Variants in TRAPPC11 observed in about 807,000 individuals in gnomAD.
TRAPPC11 encodes trafficking protein particle complex subunit 11, also known as foie gras homolog.
Under a neutral mutation model 151.2 loss-of-function variants are expected in TRAPPC11, and 104 were observed. The ratio of observed to expected loss-of-function variants is 0.69; its 90% confidence interval spans 0.59 to 0.81. The LOEUF is 0.81. Among genes scored for constraint, TRAPPC11 ranks in the 30% least tolerant of loss-of-function variants. The pLI is 0.00. For synonymous variants in TRAPPC11, 456 were observed against 472.3 expected, an observed-to-expected ratio of 0.97 and a Z score of 0.45; for missense variants, 1,230 against 1,349.6, an observed-to-expected ratio of 0.91 and a Z score of 1.39.
intron 1 of TRAPPC11, among the ~76,000 whole-genome samples, chr4:183,661,505 G>A (rs1023332578): frequency 3.3e-5 from 5 of 150,762 alleles, no homozygotes; most frequent in Non-Finnish European, 7.4e-5. Flanking sequence ...CCGAGTAGCT[G>A]GGACTACAGG....
Position 183,664,079 on chromosome 4 carries a change from C to A in TRAPPC11, c.204+8C>A. On this transcript the variant is annotated splice_region_variant and intron_variant, in intron 2 of 29. Coordinates refer to ENST00000334690, the MANE Select transcript of TRAPPC11 (RefSeq NM_021942.6). ...CCCAAATGTAGACCCAAGGTAATGGCATTGTGATGGCATGTGTTCTTTCCT... is the reference window on the plus strand; with the variant it reads ...CCCAAATGTAGACCCAAGGTAATGGAATTGTGATGGCATGTGTTCTTTCCT... 1 of 1,606,592 alleles carries A rather than the reference C, an allele frequency of 6.2e-7. No individual in the cohort carries two copies. The highest frequency in any genetic ancestry group is 8.5e-7 in the Non-Finnish European group (1 of 1,175,396).
At chr4:183,675,359 G>C in intron 7 of TRAPPC11, 122 bp downstream of exon 7, 1 of 495,778 alleles carries the variant, frequency 2.0e-6, no homozygotes, top group Non-Finnish European at 3.4e-6. Flanking sequence ...CTTAGATTTA[G>C]GAATTAGTGT....
At chr4:183,667,947 G>A in intron 4 of TRAPPC11, 56 bp from the exon 5 acceptor site, 1 of 1,123,384 alleles carries the variant, frequency 8.9e-7, no homozygotes, top group African/African-American at 1.5e-5. Context: ...ATATTTATTT[G>A]GGAAGCTACA....
intron 5 of TRAPPC11, among the ~76,000 whole-genome samples, chr4:183,669,848 G>C (rs1000364301): frequency 1.3e-5 from 2 of 152,180 alleles, no homozygotes; most frequent in Non-Finnish European, 2.9e-5. Flanking sequence ...AGGCGGTCAT[G>C]GATTCAAGAG....
intron 29 of TRAPPC11, among the ~76,000 whole-genome samples, chr4:183,710,271 A>C (rs937901218): frequency 2.7e-5 from 4 of 148,942 alleles, no homozygotes; most frequent in African/African-American, 9.8e-5. Flanking sequence ...ATTCACAAGG[A>C]AAGGTTCCAG....
At chr4:183,681,816 T>C (rs970412360) in intron 10 of TRAPPC11, among the ~76,000 whole-genome samples, 11 of 151,574 alleles carry the variant, frequency 7.3e-5, no homozygotes, top group African/African-American at 2.4e-4. Flanking sequence ...CAAATAATAA[T>C]TTGAGAAGCT....
chr4:183,680,968 C>T (rs1009681854), intron 10 of TRAPPC11, among the ~76,000 whole-genome samples: 6 of 152,068 alleles, frequency 3.9e-5, no homozygotes, highest in Non-Finnish European at 7.4e-5. Context: ...GCTGGAATTA[C>T]AGGCGTGAGC....
In TRAPPC11 at chr4:183,666,348, T is replaced by C. The variant is rs754091491; in HGVS notation, c.296T>C (p.Val99Ala). ...AATCTGGTGCCAGCCCTGGTGGTTG[T>C]GTTCTATGAACTGGACTGGGATGAG... is the stretch of plus-strand genomic sequence containing the variant. Reference protein sequence around the residue: ...HLNLVPALVVVFYELDWDEPQ... With the variant: ...HLNLVPALVVAFYELDWDEPQ... Residue 99 changes from valine to alanine, a missense_variant, in exon 3 of 30, where the codon GTG becomes GCG. Transcript: ENST00000334690. 2.5e-6 allele frequency: 4 copies of C among 1,614,184 alleles called. No individual in the cohort carries two copies. The highest frequency in any genetic ancestry group is 1.7e-6 in the Non-Finnish European group (2 of 1,180,012).
In TRAPPC11 at chr4:183,684,130, T is replaced by C. The variant is rs370243103; in HGVS notation, c.1288-15T>C. On this transcript the variant is annotated splice_polypyrimidine_tract_variant and intron_variant, in intron 12 of 29. Coordinates refer to ENST00000334690, the MANE Select transcript of TRAPPC11 (RefSeq NM_021942.6). Reference sequence around the variant, plus strand: ...ATTTGTATTGAAATGTTTCACACTCTACTTTTTCTAATAGGAGATAATCAT... The same window carrying C: ...ATTTGTATTGAAATGTTTCACACTCCACTTTTTCTAATAGGAGATAATCAT... 6.2e-7 allele frequency: 1 copy of C among 1,610,916 alleles called. No homozygotes were observed. The highest frequency in any genetic ancestry group is 8.5e-7 in the Non-Finnish European group (1 of 1,177,266).
intron 2 of TRAPPC11, among the ~76,000 whole-genome samples, chr4:183,664,638 A>G (rs1172869871): frequency 6.6e-6 from 1 of 152,186 alleles, no homozygotes; most frequent in East Asian, 1.9e-4. Context: ...TTTACCTTAG[A>G]TAATAATTAT....
intron 25 of TRAPPC11, 54 bp downstream of exon 25, chr4:183,697,889 G>C: frequency 6.5e-7 from 1 of 1,532,056 alleles, no homozygotes; most frequent in Non-Finnish European, 8.9e-7. Flanking sequence ...GCGCGTGTGT[G>C]TGTGTGTGTA....
In TRAPPC11 at chr4:183,680,159, G is replaced by T. The variant is rs764476969; in HGVS notation, c.1005G>T (p.Lys335Asn). 3.1e-6 allele frequency: 5 copies of T among 1,613,652 alleles called. No homozygotes were observed. Among genetic ancestry groups the T allele is most frequent in the Non-Finnish European group, 2.5e-6 (3 of 1,179,874 alleles). ...AFGDLFDEAIKLGLTAIQTQN... is the reference protein window; with the variant it reads ...AFGDLFDEAINLGLTAIQTQN... ...GAGATTTATTTGATGAAGCTATTAA[G>T]TTAGGGTTAACAGCTATTCAAACTC... The change falls in exon 10 of 30, where the codon AAG becomes AAT. Residue 335 changes from lysine to asparagine, a missense_variant. By Grantham distance (94) the Lys-to-Asn change is moderately conservative. Coordinates refer to ENST00000334690, the MANE Select transcript of TRAPPC11 (RefSeq NM_021942.6).
At chr4:183,700,341 T>G (rs1736743589) in intron 25 of TRAPPC11, among the ~76,000 whole-genome samples, 1 of 152,220 alleles carries the variant, frequency 6.6e-6, no homozygotes, top group South Asian at 2.1e-4. Flanking sequence ...TCCCTTTCAC[T>G]GTTGTTATCT....
At chr4:183,685,243 A>G (rs768988272) in intron 16 of TRAPPC11, 28 bp from the exon 17 acceptor site, 1 of 1,611,184 alleles carries the variant, frequency 6.2e-7, no homozygotes, top group Non-Finnish European at 8.5e-7. Context: ...CAACTAGTTG[A>G]ATGGATGTTA....
In TRAPPC11 at chr4:183,693,901, A is replaced by G. The variant is rs754594713; in HGVS notation, c.2387-16A>G. ...TTGAATTCTTTGTTTTGAAGAACCA[A>G]TATTAACTCTTTTAGGACAGGATGC... is the stretch of plus-strand genomic sequence containing the variant. On this transcript the variant is annotated splice_polypyrimidine_tract_variant and intron_variant, in intron 21 of 29. Transcript: ENST00000334690. 50 of 1,611,508 alleles carry G rather than the reference A, an allele frequency of 3.1e-5. No homozygotes were observed. The highest frequency in any genetic ancestry group is 3.7e-5 in the Non-Finnish European group (43 of 1,178,002).
At chr4:183,711,569 C>T (rs1314929653) in intron 29 of TRAPPC11, among the ~76,000 whole-genome samples, 1 of 152,140 alleles carries the variant, frequency 6.6e-6, no homozygotes, top group Non-Finnish European at 1.5e-5. Flanking sequence ...GGATCGGGAA[C>T]CTATTTCACT....
At chr4:183,696,196 A>G (rs75365401) in intron 23 of TRAPPC11, among the ~76,000 whole-genome samples, 9 of 152,332 alleles carry the variant, frequency 5.9e-5, no homozygotes, top group South Asian at 2.1e-4. Flanking sequence ...GATAACCTGT[A>G]TAACTTTCCC....
intron 8 of TRAPPC11, among the ~76,000 whole-genome samples, chr4:183,678,565 A>T (rs965444423): frequency 1.3e-5 from 2 of 152,242 alleles, no homozygotes; most frequent in African/African-American, 4.8e-5. Flanking sequence ...AATATATTGC[A>T]AGATGAATAA....
rs1479132019 is a variant in TRAPPC11, at chr4:183,693,151, A to C, written c.2237+4A>C. ...TTATAATTCAGGCAAGCACAATGTAAGTCTGCTTTGCTAAGCTGATATTAA... is the reference window on the plus strand; with the variant it reads ...TTATAATTCAGGCAAGCACAATGTACGTCTGCTTTGCTAAGCTGATATTAA... On this transcript the variant is annotated splice_donor_region_variant and intron_variant, in intron 20 of 29. Transcript: ENST00000334690. 2 of 1,581,752 alleles carry C rather than the reference A, an allele frequency of 1.3e-6. No homozygotes were observed. Among genetic ancestry groups the C allele is most frequent in the Non-Finnish European group, 1.7e-6 (2 of 1,162,044 alleles).
Sources: allele counts gnomAD v4.1 joint callset (sites outside exome capture counted in the v4.1 genomes callset), GRCh38; gene constraint gnomAD v4.1.1; transcripts MANE v1.5; gene names NCBI Gene and HGNC (gene_info 2026-07-23, HGNC 2026-07-21).